Variants in CNDP1 observed in about 807,000 individuals in gnomAD.
The protein encoded by CNDP1 is beta-Ala-His dipeptidase.
In CNDP1, 44 loss-of-function variants were observed where a neutral mutation model predicts 58.1. That is an observed-to-expected ratio of 0.76 (90% CI 0.60 to 0.97). The LOEUF is 0.97. Ranked by LOEUF, CNDP1 falls within the 50% of genes least tolerant of loss-of-function variation. The pLI is 0.00. For missense variants in CNDP1, 616 were observed against 655.1 expected, an observed-to-expected ratio of 0.94 and a Z score of 0.65; for synonymous variants, 254 against 252.6, an observed-to-expected ratio of 1.01 and a Z score of -0.05.
Position 74,571,526 on chromosome 18 carries a change from G to A in CNDP1, c.841+256G>A, listed in dbSNP as rs141972049. Among the ~76,000 whole-genome samples, 92 of 152,200 alleles carry A rather than the reference G, an allele frequency of 6.0e-4. No individual in the cohort carries two copies. In the East Asian group the frequency reaches 0.017, roughly 28 times the overall value. On this transcript the variant is annotated intron_variant, in intron 7 of 11. Transcript: ENST00000358821. ...ATTGTGACACATAGCCATACTTAAG[G>A]ACAAGAGGGCAGAGACTCAAAGGAT...
Position 74,539,426 on chromosome 18 carries a change from G to A in CNDP1, c.24+4735G>A, listed in dbSNP as rs1432613517. Among the ~76,000 whole-genome samples, 7 of 152,126 alleles carry A rather than the reference G, an allele frequency of 4.6e-5. No individual in the cohort carries two copies. The East Asian group carries it at 7.7e-4, about 17-fold the overall frequency. On this transcript the variant is annotated intron_variant, in intron 1 of 11. Transcript: ENST00000358821. ...CCAGGTGGGCTCTTTCCCAGCTCCC[G>A]GAGGCTTCCTCATCTCTCATCCCCA...
At chr18:74,556,222 C>T (rs1162368172) in intron 1 of CNDP1, 116 bp from the exon 2 acceptor site, 9 of 1,145,398 alleles carry the variant, frequency 7.9e-6, no homozygotes, top group African/African-American at 1.6e-5. Context: ...TATTTTATTC[C>T]GACTGACTGG....
At chr18:74,584,221 T>G in intron 11 of CNDP1, 1 of 440,240 alleles carries the variant, frequency 2.3e-6, no homozygotes, top group South Asian at 2.8e-5. Context: ...AACAAGAAAT[T>G]GTTTGACCCT....
intron 8 of CNDP1, chr18:74,577,649 G>A (rs1173145311): frequency 6.5e-6 from 1 of 152,804 alleles, no homozygotes; most frequent in East Asian, 1.9e-4. Context: ...AAGCGGTAGA[G>A]TGAATTATTA....
chr18:74,566,212 TC>T (rs1358443063), intron 5 of CNDP1, among the ~76,000 whole-genome samples: 1 of 152,214 alleles, frequency 6.6e-6, no homozygotes, highest in Non-Finnish European at 1.5e-5. Context: ...CTCCTGGGCC[TC>T]CAGGCCTGTG....
intron 1 of CNDP1, among the ~76,000 whole-genome samples, chr18:74,553,812 C>A (rs547361327): frequency 2.9e-4 from 44 of 152,278 alleles, no homozygotes; most frequent in African/African-American, 1.1e-3. Flanking sequence ...CCAAGCTTAC[C>A]CTTCCTTCCC....
Position 74,534,570 on chromosome 18 carries a change from G to A in CNDP1, c.-98G>A. ...GACAACGTGGGTCAGGGCACAGAGA[G>A]ATATTTAATGTCACCCTCTTGGGGC... is the stretch of plus-strand genomic sequence containing the variant. On this transcript the variant is annotated 5_prime_UTR_variant, in exon 1 of 12. Transcript: ENST00000358821. 7 of 1,279,842 alleles carry A rather than the reference G, an allele frequency of 5.5e-6. No homozygotes were observed. The highest frequency in any genetic ancestry group is 7.9e-6 in the Non-Finnish European group (7 of 881,884). The allele number at this position is 1,279,842 out of a possible 1,614,324, so 79.3% of individuals were successfully genotyped here.
intron 1 of CNDP1, among the ~76,000 whole-genome samples, chr18:74,547,689 A>G (rs1007967558): frequency 6.6e-6 from 1 of 152,230 alleles, no homozygotes; most frequent in African/African-American, 2.4e-5. Context: ...AGCCAGTGCC[A>G]GTGTCTGCTG....
intron 9 of CNDP1, among the ~76,000 whole-genome samples, chr18:74,579,020 C>G (rs1457834399): frequency 2.0e-5 from 3 of 152,152 alleles, no homozygotes; most frequent in Non-Finnish European, 4.4e-5. Context: ...CTCTCTCCAT[C>G]CCATTATCCC....
At chr18:74,572,626 A>G (rs550182428) in intron 7 of CNDP1, among the ~76,000 whole-genome samples, 33 of 151,958 alleles carry the variant, frequency 2.2e-4, no homozygotes, top group Non-Finnish European at 3.7e-4. Flanking sequence ...TGTCTGTACA[A>G]AAAATACAAA....
At chr18:74,561,727 C>A (rs1437548289) in intron 4 of CNDP1, 1 of 230,360 alleles carries the variant, frequency 4.3e-6, no homozygotes, top group African/African-American at 2.2e-5. Context: ...TGCAACAAAT[C>A]CCCGGTGGGT....
intron 1 of CNDP1, among the ~76,000 whole-genome samples, chr18:74,548,785 T>C (rs1980827057): frequency 1.3e-5 from 2 of 152,334 alleles, no homozygotes; most frequent in South Asian, 2.1e-4. Flanking sequence ...TCCAGGCTGA[T>C]GTGGTCTCAG....
At chr18:74,574,684 C>G (rs1000776698) in intron 7 of CNDP1, 18 of 152,196 alleles carry the variant, frequency 1.2e-4, no homozygotes, top group Admixed American at 1.1e-3. Flanking sequence ...CTTAAGCATA[C>G]TATTTTCATT....
At chr18:74,559,183 A>G (rs1333116174) in intron 2 of CNDP1, 140 bp from the exon 3 acceptor site, 2 of 762,602 alleles carry the variant, frequency 2.6e-6, no homozygotes, top group Admixed American at 2.4e-5. Flanking sequence ...CACAGTGTTC[A>G]CTGGCACTGT....
In CNDP1 at chr18:74,577,001, G is replaced by C. The variant is rs762044027; in HGVS notation, c.974G>C (p.Arg325Pro). Residue 325 changes from arginine to proline, a missense_variant, in exon 8 of 12, where the codon CGG (arginine) becomes CCG (proline). Arg to Pro is a moderately radical substitution (Grantham distance 103). Coordinates refer to ENST00000358821, the MANE Select transcript of CNDP1 (RefSeq NM_032649.6). ...CTAGAAGAATACCGGAATAGCAGCCGGGTTGAGAAATTTCTGTTCGATACT... is the reference window on the plus strand; with the variant it reads ...CTAGAAGAATACCGGAATAGCAGCCCGGTTGAGAAATTTCTGTTCGATACT... ...LDLEEYRNSS[R>P]VEKFLFDTKE... is the part of the protein sequence containing the mutation. 1 of 1,612,830 alleles carries C rather than the reference G, an allele frequency of 6.2e-7. No individual in the cohort carries two copies. The highest frequency in any genetic ancestry group is 2.2e-5 in the East Asian group (1 of 44,872).
intron 7 of CNDP1, among the ~76,000 whole-genome samples, chr18:74,573,098 A>G (rs1309291643): frequency 6.6e-6 from 1 of 152,080 alleles, no homozygotes; most frequent in African/African-American, 2.4e-5. Context: ...TCTATTATCT[A>G]TCCATCTATC....
chr18:74,562,483 A>C (rs993141808), intron 5 of CNDP1, among the ~76,000 whole-genome samples: 1 of 152,110 alleles, frequency 6.6e-6, no homozygotes, highest in African/African-American at 2.4e-5. Context: ...TTTAATCCTT[A>C]TTTTATCTTA....
In CNDP1 at chr18:74,545,221, C is replaced by T. The variant is rs138309492; in HGVS notation, c.24+10530C>T. On this transcript the variant is annotated intron_variant, in intron 1 of 11. Transcript: ENST00000358821. The surrounding 1 kb of genome is among the most constrained non-coding windows in gnomAD (Gnocchi z 4.1). ...CTAGTGGAGACCGATGGGAAAGCCCCGCCCTCTCCTCGAATCTGCCTTGTT... is the reference window on the plus strand; with the variant it reads ...CTAGTGGAGACCGATGGGAAAGCCCTGCCCTCTCCTCGAATCTGCCTTGTT... Among the ~76,000 whole-genome samples, 1 of 152,314 alleles carries T rather than the reference C, an allele frequency of 6.6e-6. No individual in the cohort carries two copies. Among genetic ancestry groups the T allele is most frequent in the Non-Finnish European group, 1.5e-5 (1 of 68,036 alleles).
At chr18:74,559,739 T>C (rs928600909) in intron 3 of CNDP1, among the ~76,000 whole-genome samples, 6 of 152,214 alleles carry the variant, frequency 3.9e-5, no homozygotes, top group African/African-American at 1.2e-4. Flanking sequence ...AAGGACCCCC[T>C]TGTACTTTTC....
Sources: gnomAD v4.1 joint callset for allele counts (sites outside exome capture counted in the v4.1 genomes callset) on GRCh38, gnomAD v4.1.1 for gene constraint, Gnocchi (gnomAD v3.1) non-coding constraint, MANE v1.5 for transcripts, NCBI Gene and HGNC (gene_info 2026-07-23, HGNC 2026-07-21) for gene names.